CNTN5: variants seen among roughly 807,000 people sequenced by gnomAD.
CNTN5 encodes contactin-5.
CNTN5 carries 77 observed loss-of-function variants against 129.1 expected under a neutral mutation model. That is an observed-to-expected ratio of 0.60 (90% confidence interval 0.50 to 0.72). The LOEUF is 0.72. Among genes scored for constraint, CNTN5 ranks in the 30% least tolerant of loss-of-function variants. CNTN5 has a pLI of 0.00. For synonymous variants in CNTN5, 509 were observed against 465.6 expected (o/e 1.09, Z -1.20); for missense variants, 1,478 against 1,328.8 (o/e 1.11, Z -1.75).
chr11:100,261,784 T>C (rs552102737), intron 17 of CNTN5, among the ~76,000 whole-genome samples: 1 of 152,276 alleles, frequency 6.6e-6, no homozygotes, highest in South Asian at 2.1e-4. Context: ...TTACACCTTA[T>C]ACAAAAATTA....
chr11:100,252,767 C>T (rs1949993051), intron 16 of CNTN5, among the ~76,000 whole-genome samples: 1 of 152,104 alleles, frequency 6.6e-6, no homozygotes, highest in African/African-American at 2.4e-5. Flanking sequence ...CAAGTTGGAT[C>T]TCTCTCTCCA....
chr11:100,167,920 C>T (rs1413038637), intron 13 of CNTN5, among the ~76,000 whole-genome samples: 1 of 151,964 alleles, frequency 6.6e-6, no homozygotes, highest in Non-Finnish European at 1.5e-5. Context: ...AGTGCATCTC[C>T]ATTGAATACA....
chr11:99,822,945 G>A (rs941934325), intron 4 of CNTN5, among the ~76,000 whole-genome samples: 1 of 152,298 alleles, frequency 6.6e-6, no homozygotes, highest in Admixed American at 6.5e-5. Flanking sequence ...AAGTCAGCTC[G>A]TGCTGAGAGC....
chr11:100,014,192 T>C (rs1940689690), intron 9 of CNTN5, among the ~76,000 whole-genome samples: 1 of 152,144 alleles, frequency 6.6e-6, no homozygotes, highest in Non-Finnish European at 1.5e-5. Flanking sequence ...AATTTGAATA[T>C]GTGATGATCT....
At chr11:99,656,079 T>C (rs1952352794) in intron 3 of CNTN5, among the ~76,000 whole-genome samples, 5 of 152,036 alleles carry the variant, frequency 3.3e-5, no homozygotes, top group Admixed American at 3.3e-4. Flanking sequence ...TGTGTAAGTG[T>C]GTGTGTTATT....
intron 9 of CNTN5, among the ~76,000 whole-genome samples, chr11:100,051,124 A>T (rs552726420): frequency 6.6e-6 from 1 of 152,212 alleles, no homozygotes; most frequent in African/African-American, 2.4e-5. Flanking sequence ...AGTAAAGTAC[A>T]GAAGACATGA....
intron 13 of CNTN5, among the ~76,000 whole-genome samples, chr11:100,166,833 G>A (rs2138387724): frequency 6.6e-6 from 1 of 151,768 alleles, no homozygotes; most frequent in East Asian, 1.9e-4. Context: ...CTTTCTCTAT[G>A]AGTTTCTTGG....
rs141247211 is a variant in CNTN5, at chr11:99,745,970, A to G, written c.56-73574A>G. Reference sequence around the variant, plus strand: ...TGGACTTCCATTGGTGGAGGTGACAAATATGTTCAGGGAAGTATTACCAAA... The same window carrying G: ...TGGACTTCCATTGGTGGAGGTGACAGATATGTTCAGGGAAGTATTACCAAA... On this transcript the variant is annotated intron_variant, in intron 3 of 24. Transcript: ENST00000524871. Among the ~76,000 whole-genome samples the G allele has an allele frequency of 8.3e-4, 127 of 152,316 alleles. 1 individual carries two copies. Among genetic ancestry groups the G allele is most frequent in the African/African-American group, 2.8e-3 (117 of 41,582 alleles).
chr11:100,258,996 C>T (rs985924152), intron 17 of CNTN5, among the ~76,000 whole-genome samples: 1 of 152,082 alleles, frequency 6.6e-6, no homozygotes, highest in African/African-American at 2.4e-5. Context: ...AAGACACAGA[C>T]TGGCAAATTG....
chr11:99,535,849 T>A (rs11220350), intron 2 of CNTN5, among the ~76,000 whole-genome samples: 12,669 of 152,194 alleles, frequency 0.083, 614 homozygotes, highest in African/African-American at 0.12. Flanking sequence ...TCCACTAAGA[T>A]GCATTTAGAA....
chr11:99,609,058 C>T (rs1487383942), intron 3 of CNTN5, among the ~76,000 whole-genome samples: 4 of 152,134 alleles, frequency 2.6e-5, no homozygotes, highest in Non-Finnish European at 5.9e-5. Context: ...TCCCAAATGT[C>T]TCCCTTTCTT....
chr11:100,125,625 T>G (rs1164761092), intron 13 of CNTN5, among the ~76,000 whole-genome samples: 5 of 152,086 alleles, frequency 3.3e-5, no homozygotes, highest in African/African-American at 1.2e-4. Context: ...GTGATGAACA[T>G]GTGAGTGTAT....
intron 3 of CNTN5, among the ~76,000 whole-genome samples, chr11:99,707,555 C>A (rs1954809069): frequency 6.6e-6 from 1 of 151,566 alleles, no homozygotes; most frequent in South Asian, 2.1e-4. Context: ...GGTCTTAGCC[C>A]AGGCTCTGTT....
At chr11:99,849,566 C>T (rs918051715) in intron 6 of CNTN5, among the ~76,000 whole-genome samples, 2 of 151,984 alleles carry the variant, frequency 1.3e-5, no homozygotes, top group African/African-American at 4.8e-5. Flanking sequence ...AATCTAGGTG[C>T]TGCAGGTGCA....
intron 9 of CNTN5, among the ~76,000 whole-genome samples, chr11:100,022,970 T>C (rs181252746): frequency 3.9e-5 from 6 of 152,296 alleles, no homozygotes; most frequent in Admixed American, 3.3e-4. Context: ...TAATAAGTTT[T>C]ATGGAATTTT....
chr11:99,625,591 A>G (rs996992998), intron 3 of CNTN5, among the ~76,000 whole-genome samples: 6 of 152,192 alleles, frequency 3.9e-5, no homozygotes, highest in African/African-American at 1.2e-4. Flanking sequence ...AGATATGTAC[A>G]TATTTTATCT....
chr11:100,286,624 A>G (rs1323927191), intron 18 of CNTN5, among the ~76,000 whole-genome samples: 1 of 148,406 alleles, frequency 6.7e-6, no homozygotes, highest in Non-Finnish European at 1.5e-5. Flanking sequence ...ATCATCAAAG[A>G]CCAAAAGTAG....
At chr11:99,602,914 C>T (rs1349753868) in intron 3 of CNTN5, among the ~76,000 whole-genome samples, 3 of 116,134 alleles carry the variant, frequency 2.6e-5, no homozygotes, top group Admixed American at 9.4e-5. Context: ...AAACTAACAA[C>T]CAGAAAGGAC....
intron 1 of CNTN5, among the ~76,000 whole-genome samples, chr11:99,274,641 A>G (rs188162799): frequency 1.4e-3 from 214 of 151,698 alleles, no homozygotes; most frequent in Admixed American, 2.4e-3. Flanking sequence ...AATAAAAACT[A>G]CTATATATAT....
Sources: allele counts gnomAD v4.1 joint callset (sites outside exome capture counted in the v4.1 genomes callset), GRCh38; gene constraint gnomAD v4.1.1; transcripts MANE v1.5; gene names NCBI Gene and HGNC (gene_info 2026-07-23, HGNC 2026-07-21).